The following SH3YL1 variants were observed in gnomAD, a reference collection of about 807,000 sequenced individuals.
The protein encoded by SH3YL1 is SH3 domain-containing YSC84-like protein 1.
SH3YL1 carries 41 observed loss-of-function variants against 45.8 expected under a neutral mutation model. The observed-to-expected ratio is 0.89, with a 90% CI of 0.70 to 1.16. SH3YL1 has a LOEUF of 1.16. SH3YL1 is among the 50% of genes most tolerant of loss of function. SH3YL1 has a pLI of 0.00. For missense variants in SH3YL1, 389 were observed against 409.6 expected (o/e 0.95, Z 0.43); for synonymous variants, 152 against 151.4 (o/e 1.00, Z -0.03).
At position 250,925 on chromosome 2, in the gene SH3YL1, T is replaced by A. The variant is rs1038330197; in HGVS notation, c.113-1081A>T. On this transcript the variant is annotated intron_variant, in intron 2 of 9. Coordinates refer to ENST00000356150, the MANE Select transcript of SH3YL1 (RefSeq NM_015677.4). ...TTTATTTTTGTATTTTAAAAGGTTA[T>A]AATTATATTGTAACAAGATTGAAAG... Among the ~76,000 whole-genome samples the A allele has an allele frequency of 3.9e-5, 6 of 152,228 alleles. No individual in the cohort carries two copies. In the East Asian group the frequency reaches 1.2e-3, roughly 29 times the overall value.
Position 219,346 on chromosome 2 carries a change from G to T in SH3YL1, c.839-345C>A, listed in dbSNP as rs147890298. Among the ~76,000 whole-genome samples, 1,187 of 152,190 alleles carry T rather than the reference G, an allele frequency of 7.8e-3. 18 individuals carry two copies. Among genetic ancestry groups the T allele is most frequent in the African/African-American group, 0.028 (1,146 of 41,526 alleles). On this transcript the variant is annotated intron_variant, in intron 9 of 9. Transcript: ENST00000356150. ...AAGTGTTGAAATCCTCAACCCCAAG[G>T]TGATGGTGTTAGAAGTGGGGTCTCT...
At chr2:264,148 C>G (rs1338331886), upstream of SH3YL1, 2 of 1,071,776 alleles carry the variant, frequency 1.9e-6, no homozygotes, top group Non-Finnish European at 2.5e-6. Flanking sequence ...GGACAAAAAC[C>G]ACGCGCCCGC....
chr2:243,620 G>T, intron 4 of SH3YL1: 2 of 1,499,472 alleles, frequency 1.3e-6, no homozygotes, highest in Non-Finnish European at 1.8e-6. Flanking sequence ...CAACATGGAC[G>T]AAGAAGAGTT....
chr2:230,996 T>C, intron 7 of SH3YL1, 27 bp downstream of exon 7: 1 of 1,610,480 alleles, frequency 6.2e-7, no homozygotes, highest in African/African-American at 1.3e-5. Flanking sequence ...CTGAGAATAC[T>C]GAGTGAAACA....
chr2:249,920 A>C (rs1190544765), intron 2 of SH3YL1, 76 bp from the exon 3 acceptor site: 4 of 1,027,940 alleles, frequency 3.9e-6, no homozygotes, highest in Admixed American at 2.0e-5. Flanking sequence ...TGTTAAACAG[A>C]GTCAGTGTAC....
In SH3YL1 at chr2:253,250, G is replaced by A. The variant is rs568863547; in HGVS notation, c.2-135C>T. On this transcript the variant is annotated intron_variant, in intron 1 of 9. Coordinates refer to ENST00000356150, the MANE Select transcript of SH3YL1 (RefSeq NM_015677.4). Reference sequence around the variant, plus strand: ...AGGGACTCCATTTTGAATAGGAGCTGGGTGAAATAAGGCTGAGACCTACTG... The same window carrying A: ...AGGGACTCCATTTTGAATAGGAGCTAGGTGAAATAAGGCTGAGACCTACTG... 1.1e-4 allele frequency: 65 copies of A among 597,754 alleles called. 1 individual carries two copies. In the South Asian group the frequency reaches 1.3e-3, roughly 12 times the overall value. 37.0% of individuals were successfully genotyped at this position (597,754 alleles called of 1,614,324 possible).
Position 230,799 on chromosome 2 carries a change from G to A in SH3YL1, c.702+224C>T, listed in dbSNP as rs574033390. ...TTATTTGTATTATTGATACAACAAA[G>A]TTCCATCCTTGGAGAAATGCAATCA... On this transcript the variant is annotated intron_variant, in intron 7 of 9. Coordinates refer to ENST00000356150, the MANE Select transcript of SH3YL1 (RefSeq NM_015677.4). 1.5e-4 allele frequency: 79 copies of A among 534,690 alleles called. No individual in the cohort carries two copies. In the South Asian group the frequency reaches 1.7e-3, roughly 12 times the overall value. 33.1% of individuals were successfully genotyped at this position (534,690 alleles called of 1,614,324 possible).
chr2:238,259 T>TTGTG (rs3842546), intron 4 of SH3YL1, among the ~76,000 whole-genome samples: 2,877 of 141,902 alleles, frequency 0.02, 31 homozygotes, highest in Admixed American at 0.031. Flanking sequence ...TCCTCCCTCC[T>TTGTG]TGTGTGTGTG....
At position 243,598 on chromosome 2, in the gene SH3YL1, T is replaced by C. The variant is rs779714691; in HGVS notation, c.291+3940A>G. The C allele has an allele frequency of 8.2e-5, 125 of 1,517,482 alleles. No homozygotes were observed. In the Middle Eastern group the frequency reaches 5.9e-3, roughly 71 times the overall value. 94.0% of individuals were successfully genotyped at this position (1,517,482 alleles called of 1,614,324 possible). ...AAAAACAGACCTCGAGTCGGTAACC[T>C]GAACTACCTATCAACATGGACGAAG... On this transcript the variant is annotated intron_variant, in intron 4 of 9. Transcript: ENST00000356150.
chr2:231,339 C>T lies in SH3YL1; in HGVS notation c.534-148G>A, dbSNP rs1668034920. The T allele has an allele frequency of 1.1e-5, 7 of 652,808 alleles. 1 individual carries two copies. In the South Asian group the frequency reaches 1.2e-4, roughly 12 times the overall value. The allele number at this position is 652,808 out of a possible 1,614,324, so 40.4% of individuals were successfully genotyped here. ...CTACTTTTTAAACACTAACTTTAAG[C>T]AATATCCCATGTTCAAGTCTTAAAT... On this transcript the variant is annotated intron_variant, in intron 6 of 9. Transcript: ENST00000356150.
Position 264,030 on chromosome 2 carries a change from G to T in SH3YL1, c.-46C>A. ...GCCCCGTCCCGAGGCTGCCCAGGAA[G>T]AGGAAGGCGCGCTGCCCCGCCCCGC... On this transcript the variant is annotated 5_prime_UTR_variant, in exon 1 of 10. Transcript: ENST00000356150. The T allele has an allele frequency of 7.2e-7, 1 of 1,393,328 alleles. No homozygotes were observed. The highest frequency in any genetic ancestry group is 9.4e-7 in the Non-Finnish European group (1 of 1,066,758). 86.3% of individuals were successfully genotyped at this position (1,393,328 alleles called of 1,614,324 possible).
chr2:225,300 C>A (rs1369665837), intron 8 of SH3YL1, among the ~76,000 whole-genome samples: 1 of 152,274 alleles, frequency 6.6e-6, no homozygotes, highest in African/African-American at 2.4e-5. Flanking sequence ...ACATTTCACA[C>A]TGGATTCCCG....
chr2:221,245 T>C (rs1667560553), intron 9 of SH3YL1, among the ~76,000 whole-genome samples: 1 of 152,144 alleles, frequency 6.6e-6, no homozygotes, highest in South Asian at 2.1e-4. Flanking sequence ...ATCGGAGCAT[T>C]TTACTTTTAT....
intron 3 of SH3YL1, 141 bp downstream of exon 3, chr2:249,590 G>A (rs1439015617): frequency 5.0e-6 from 3 of 602,148 alleles, no homozygotes; most frequent in African/African-American, 1.9e-5. Flanking sequence ...CAAACTGCAC[G>A]TTCAGTCGAG....
At chr2:260,353 G>A (rs1057066555) in intron 1 of SH3YL1, 1 of 152,210 alleles carries the variant, frequency 6.6e-6, no homozygotes, top group Non-Finnish European at 1.5e-5. Context: ...CAACTTGTCT[G>A]CTTACATTGA....
At chr2:260,776 C>T (rs1256199073) in intron 1 of SH3YL1, 2 of 152,192 alleles carry the variant, frequency 1.3e-5, no homozygotes, top group African/African-American at 4.8e-5. Flanking sequence ...GAATCTTATC[C>T]CCTCAGAAGA....
chr2:263,951 T>G (rs1572188991), intron 1 of SH3YL1, 33 bp downstream of exon 1: 1 of 1,492,208 alleles, frequency 6.7e-7, no homozygotes, highest in South Asian at 1.2e-5. Context: ...GAGGGGAGGG[T>G]GCTGCCGGAC....
intron 9 of SH3YL1, among the ~76,000 whole-genome samples, chr2:223,630 G>A (rs1273275606): frequency 6.6e-6 from 1 of 152,176 alleles, no homozygotes; most frequent in Non-Finnish European, 1.5e-5. Context: ...AACTTTTCAT[G>A]TCTCTTTAAA....
chr2:224,061 T>A (rs1297645878), intron 9 of SH3YL1, among the ~76,000 whole-genome samples: 1 of 152,236 alleles, frequency 6.6e-6, no homozygotes, highest in Non-Finnish European at 1.5e-5. Flanking sequence ...TTTATTTACA[T>A]GAAATGTTTA....
Sources: gnomAD v4.1 joint callset for allele counts (sites outside exome capture counted in the v4.1 genomes callset) on GRCh38, gnomAD v4.1.1 for gene constraint, MANE v1.5 for transcripts, NCBI Gene and HGNC (gene_info 2026-07-23, HGNC 2026-07-21) for gene names.